PXDNL: variants seen among roughly 807,000 people sequenced by gnomAD.
The protein encoded by PXDNL is peroxidasin like, also known as probable oxidoreductase PXDNL.
Under a neutral mutation model 150.8 loss-of-function variants are expected in PXDNL, and 145 were observed. That is an observed-to-expected ratio of 0.96 (90% CI 0.84 to 1.10). The LOEUF is 1.10. Ranked by LOEUF, PXDNL falls within the 50% of genes least tolerant of loss-of-function variation. The pLI, the probability that PXDNL is intolerant of heterozygous loss-of-function variation, is 0.00. For missense variants in PXDNL, 2,087 were observed against 1,873.9 expected, an observed-to-expected ratio of 1.11 and a Z score of -2.10; for synonymous variants, 757 against 725.7, an observed-to-expected ratio of 1.04 and a Z score of -0.69.
At chr8:51,631,819 A>C (rs1814494492) in intron 2 of PXDNL, among the ~76,000 whole-genome samples, 1 of 152,172 alleles carries the variant, frequency 6.6e-6, no homozygotes, top group South Asian at 2.1e-4. Flanking sequence ...TATGCTATTG[A>C]AGCTAAGTTG....
In PXDNL at chr8:51,409,679, C is replaced by T. The variant is rs531510669; in HGVS notation, c.2063-118G>A. ...CCCGCCCGCCCTGAGTGAAAAGAGG[C>T]CTTTCTTACTTCCAAAAACATTTCG... On this transcript the variant is annotated intron_variant, in intron 16 of 22. Transcript: ENST00000356297. 1.0e-5 allele frequency: 7 copies of T among 688,676 alleles called. No homozygotes were observed. The East Asian group carries it at 1.3e-4, about 13-fold the overall frequency. The allele number at this position is 688,676 out of a possible 1,614,324, so 42.7% of individuals were successfully genotyped here. A position where few individuals can be genotyped will look rare whatever the true frequency, so the allele number is the denominator to read the frequency against.
In PXDNL at chr8:51,339,660, C is replaced by A; in HGVS notation, c.4110G>T (p.Ala1370=). 6.2e-7 allele frequency: 1 copy of A among 1,613,590 alleles called. No individual in the cohort carries two copies. The highest frequency in any genetic ancestry group is 1.7e-5 in the Admixed American group (1 of 59,948). Residue 1370 remains alanine, a synonymous_variant, in exon 21 of 23, where the codon GCG becomes GCT. Coordinates refer to ENST00000356297, the MANE Select transcript of PXDNL (RefSeq NM_144651.5). ...GTGCTGTGATGGTTTCCTGAATTTC[C>A]GCTGCAAACGTGCTGAAATCTTGGG... The part of the protein sequence containing the change: ...KFSQDFSTFA[A]EIQETITALR...
chr8:51,752,197 T>G (rs1236488179), intron 1 of PXDNL, among the ~76,000 whole-genome samples: 1 of 152,184 alleles, frequency 6.6e-6, no homozygotes, highest in East Asian at 1.9e-4. Flanking sequence ...TTAAATTCAG[T>G]GGGTCCAGGT....
chr8:51,718,699 T>A (rs1554509430), intron 1 of PXDNL, among the ~76,000 whole-genome samples: 1 of 152,202 alleles, frequency 6.6e-6, no homozygotes, highest in Non-Finnish European at 1.5e-5. Flanking sequence ...GATGGACACA[T>A]CTGCTTGAAG....
intron 3 of PXDNL, among the ~76,000 whole-genome samples, chr8:51,575,168 TA>T (rs1206799170): frequency 6.6e-6 from 1 of 151,942 alleles, no homozygotes; most frequent in Non-Finnish European, 1.5e-5. Flanking sequence ...TTTTTATACT[TA>T]AATAGAATGA....
chr8:51,534,800 G>T (rs1812024318), intron 4 of PXDNL, among the ~76,000 whole-genome samples: 2 of 133,926 alleles, frequency 1.5e-5, no homozygotes, highest in African/African-American at 3.0e-5. Flanking sequence ...GAGGTGGGGG[G>T]GTCAGCCCCC....
intron 1 of PXDNL, among the ~76,000 whole-genome samples, chr8:51,743,908 A>AAAGGAAGGAAGGAAGGAAGGAAGGAAGG (rs61300692): frequency 0.2 from 13,417 of 66,678 alleles, 3,871 homozygotes; most frequent in Non-Finnish European, 0.29. Flanking sequence ...GCTGAGAGAG[A>AAAGGAAGGAAGGAAGGAAGGAAGGAAGG]AAGGAAGGAA....
intron 18 of PXDNL, among the ~76,000 whole-genome samples, chr8:51,372,516 C>G (rs528407803): frequency 6.6e-6 from 1 of 152,324 alleles, no homozygotes; most frequent in Admixed American, 6.5e-5. Context: ...TCCCAAGTAG[C>G]TGGGATTACA....
At chr8:51,440,062 C>T (rs1583195) in intron 12 of PXDNL, among the ~76,000 whole-genome samples, 112,388 of 150,870 alleles carry the variant, frequency 0.74, 42,941 homozygotes, top group Non-Finnish European at 0.84. Flanking sequence ...TGTATATATA[C>T]ACACACACAC....
At chr8:51,705,572 A>G (rs914095912) in intron 1 of PXDNL, among the ~76,000 whole-genome samples, 4 of 152,248 alleles carry the variant, frequency 2.6e-5, no homozygotes, top group African/African-American at 9.6e-5. Context: ...CTCTATCAGA[A>G]AGCGCATATT....
At chr8:51,612,610 A>AG (rs1157586673) in intron 2 of PXDNL, among the ~76,000 whole-genome samples, 2 of 152,094 alleles carry the variant, frequency 1.3e-5, no homozygotes, top group Non-Finnish European at 2.9e-5. Context: ...TCAGGTCATG[A>AG]GGGAGGAGCT....
intron 2 of PXDNL, among the ~76,000 whole-genome samples, chr8:51,601,798 T>G (rs966086052): frequency 8.9e-6 from 1 of 111,794 alleles, no homozygotes; most frequent in Non-Finnish European, 1.9e-5. Flanking sequence ...CTATTGTGGG[T>G]TTTTTTTTTA....
At position 51,577,859 on chromosome 8, in the gene PXDNL, A is replaced by G. The variant is rs1277798672; in HGVS notation, c.308+14768T>C. ...CTCTTACCACTCCATTGGAAGATCT[A>G]GGCAATGAAAACAGATTGGGAAAAA... On this transcript the variant is annotated intron_variant, in intron 3 of 22. Transcript: ENST00000356297. Among the ~76,000 whole-genome samples, 3 of 149,058 alleles carry G rather than the reference A, an allele frequency of 2.0e-5. No homozygotes were observed. The South Asian group carries it at 6.3e-4, about 31-fold the overall frequency.
At chr8:51,373,980 G>A (rs1196526436) in intron 18 of PXDNL, among the ~76,000 whole-genome samples, 3 of 152,190 alleles carry the variant, frequency 2.0e-5, no homozygotes, top group Non-Finnish European at 2.9e-5. Flanking sequence ...CCAGCCTGCT[G>A]TTTCCCATTA....
chr8:51,547,019 C>CTTTGGTGG (rs1812374579), intron 4 of PXDNL, among the ~76,000 whole-genome samples: 1 of 152,166 alleles, frequency 6.6e-6, no homozygotes. Context: ...AGTCTGAGCT[C>CTTTGGTGG]GGTACTGCCC....
intron 1 of PXDNL, among the ~76,000 whole-genome samples, chr8:51,781,225 G>A (rs1010792655): frequency 3.9e-5 from 6 of 152,166 alleles, no homozygotes; most frequent in Admixed American, 1.3e-4. Context: ...CCTTTGTGAC[G>A]AATGTTTTCT....
chr8:51,642,023 G>T (rs1004560601), intron 2 of PXDNL, among the ~76,000 whole-genome samples: 165 of 135,958 alleles, frequency 1.2e-3, no homozygotes, highest in African/African-American at 4.9e-3. Flanking sequence ...ATACTATACA[G>T]CCATAAAAAA....
intron 2 of PXDNL, among the ~76,000 whole-genome samples, chr8:51,617,143 A>C (rs71513538): frequency 6.6e-6 from 1 of 152,348 alleles, no homozygotes; most frequent in Admixed American, 6.5e-5. Context: ...AATGAAAAAC[A>C]CAATTCGCCA....
intron 17 of PXDNL, among the ~76,000 whole-genome samples, chr8:51,405,080 G>T (rs1808398721): frequency 6.6e-6 from 1 of 152,174 alleles, no homozygotes; most frequent in Non-Finnish European, 1.5e-5. Context: ...GGGGCCGGCA[G>T]CCCCGGCCAG....
Sources: gnomAD v4.1 joint callset for allele counts (sites outside exome capture counted in the v4.1 genomes callset) on GRCh38, gnomAD v4.1.1 for gene constraint, MANE v1.5 for transcripts, NCBI Gene and HGNC (gene_info 2026-07-23, HGNC 2026-07-21) for gene names.